The following MSI2 variants were observed in gnomAD, a reference collection of about 807,000 sequenced individuals.
MSI2 encodes musashi RNA binding protein 2, also known as RNA-binding protein Musashi homolog 2.
MSI2 carries 17 observed loss-of-function variants against 45.6 expected under a neutral mutation model. The observed-to-expected ratio is 0.37, with a 90% CI of 0.26 to 0.56. The LOEUF is 0.56. Among genes scored for constraint, MSI2 ranks in the 20% least tolerant of loss-of-function variants. MSI2 has a pLI of 0.77. For missense variants in MSI2, 293 were observed against 444.2 expected (o/e 0.66, Z 3.06); for synonymous variants, 156 against 158.2 (o/e 0.99, Z 0.11).
chr17:57,632,611 C>T (rs1909488378), intron 10 of MSI2: 1 of 1,066,134 alleles, frequency 9.4e-7, no homozygotes, highest in Non-Finnish European at 1.1e-6. Context: ...CCTGATCAGG[C>T]CCCATCTCAA....
In MSI2 at chr17:57,610,760, G is replaced by A. The variant is rs1320044361; in HGVS notation, c.538-5210G>A. ...CTAAAGGAACATGCTGCTGCCCTAG[G>A]TGTCCAGGGGCTAGGTGTCCAGGGG... On this transcript the variant is annotated intron_variant, in intron 8 of 13. Coordinates refer to ENST00000284073, the MANE Select transcript of MSI2 (RefSeq NM_138962.4). 2.1e-5 allele frequency among the ~76,000 whole-genome samples: 2 copies of A among 93,770 alleles called. 1 individual carries two copies. The highest frequency in any genetic ancestry group is 5.4e-4 in the East Asian group (2 of 3,732). The allele number at this position is 93,770 out of a possible 152,430, so 61.5% of individuals were successfully genotyped here. A position where few individuals can be genotyped will look rare whatever the true frequency, so the allele number is the denominator to read the frequency against.
At chr17:57,545,326 A>G (rs2087139760) in intron 7 of MSI2, among the ~76,000 whole-genome samples, 1 of 152,188 alleles carries the variant, frequency 6.6e-6, no homozygotes. Context: ...GTCCTTTGCT[A>G]TGAATTGGAA....
At chr17:57,317,634 C>T (rs529825297) in intron 5 of MSI2, among the ~76,000 whole-genome samples, 2 of 151,772 alleles carry the variant, frequency 1.3e-5, no homozygotes, top group African/African-American at 4.8e-5. Context: ...CCTCAGCCCC[C>T]CATGTAGCTG....
At chr17:57,368,766 TA>T (rs1273112396) in intron 5 of MSI2, among the ~76,000 whole-genome samples, 7 of 152,180 alleles carry the variant, frequency 4.6e-5, no homozygotes, top group Admixed American at 1.3e-4. Context: ...GGCAGAGCTC[TA>T]GGGGTAGATA....
intron 5 of MSI2, among the ~76,000 whole-genome samples, chr17:57,292,171 G>T (rs188083120): frequency 2.4e-3 from 360 of 152,144 alleles, no homozygotes; most frequent in African/African-American, 8.4e-3. Context: ...GGGGGAAGGG[G>T]CTAGAGAATG....
At chr17:57,395,770 G>T (rs1409131473) in intron 5 of MSI2, among the ~76,000 whole-genome samples, 3 of 152,224 alleles carry the variant, frequency 2.0e-5, no homozygotes, top group Non-Finnish European at 4.4e-5. Context: ...TTTCATCCTG[G>T]ATTCTGAATT....
intron 6 of MSI2, among the ~76,000 whole-genome samples, chr17:57,506,459 C>G (rs1047751820): frequency 1.1e-4 from 16 of 152,202 alleles, no homozygotes; most frequent in African/African-American, 3.9e-4. Flanking sequence ...CCAGATGTCT[C>G]ACAAGTGGAT....
At chr17:57,283,418 AG>A (rs1909597272) in intron 5 of MSI2, among the ~76,000 whole-genome samples, 1 of 152,030 alleles carries the variant, frequency 6.6e-6, no homozygotes, top group African/African-American at 2.4e-5. Flanking sequence ...CTCCAACTTC[AG>A]GGGGGCTTGA....
intron 11 of MSI2, among the ~76,000 whole-genome samples, chr17:57,665,811 AG>A (rs1391470828): frequency 1.3e-5 from 2 of 152,122 alleles, no homozygotes; most frequent in Non-Finnish European, 2.9e-5. Flanking sequence ...AGTTCTAGCG[AG>A]GGCCCAGGGT....
At chr17:57,547,970 G>A (rs1160364114) in intron 7 of MSI2, among the ~76,000 whole-genome samples, 2 of 152,194 alleles carry the variant, frequency 1.3e-5, no homozygotes, top group African/African-American at 4.8e-5. Flanking sequence ...AGGGTCCCCT[G>A]TGCTTTTCTG....
intron 5 of MSI2, among the ~76,000 whole-genome samples, chr17:57,281,139 T>C (rs1909382446): frequency 6.6e-6 from 1 of 152,042 alleles, no homozygotes; most frequent in South Asian, 2.1e-4. Flanking sequence ...TATTGGTGTT[T>C]GATGTTTGCT....
chr17:57,373,146 A>T (rs1225908895), intron 5 of MSI2, among the ~76,000 whole-genome samples: 3 of 151,908 alleles, frequency 2.0e-5, no homozygotes, highest in Non-Finnish European at 4.4e-5. Flanking sequence ...AGTCCCAGCC[A>T]CTTGGGAGGC....
intron 8 of MSI2, among the ~76,000 whole-genome samples, chr17:57,614,079 C>G (rs895608475): frequency 6.6e-6 from 1 of 151,958 alleles, no homozygotes. Flanking sequence ...GAGATAGAGT[C>G]TCGCTCTGTC....
intron 5 of MSI2, among the ~76,000 whole-genome samples, chr17:57,338,598 C>T (rs1194642977): frequency 1.3e-5 from 2 of 152,150 alleles, no homozygotes; most frequent in African/African-American, 2.4e-5. Flanking sequence ...CTGCATAACT[C>T]GTAGCCGGGT....
chr17:57,598,826 C>T (rs1905534331), intron 8 of MSI2, among the ~76,000 whole-genome samples: 1 of 152,172 alleles, frequency 6.6e-6, no homozygotes, highest in Non-Finnish European at 1.5e-5. Context: ...GCACACCCAG[C>T]TAATTTTTGT....
At chr17:57,283,493 G>A (rs1011058649) in intron 5 of MSI2, among the ~76,000 whole-genome samples, 3 of 152,186 alleles carry the variant, frequency 2.0e-5, no homozygotes, top group Non-Finnish European at 4.4e-5. Context: ...GTTTGAGATG[G>A]ATGCCAAACC....
chr17:57,615,912 A>T (rs1275462626), intron 8 of MSI2, 58 bp from the exon 9 acceptor site: 14 of 1,342,706 alleles, frequency 1.0e-5, no homozygotes, highest in Non-Finnish European at 1.3e-5. Context: ...CAGGTTCTGC[A>T]TTTGACATTT....
chr17:57,486,031 G>T (rs1284596369), intron 6 of MSI2, among the ~76,000 whole-genome samples: 3 of 152,216 alleles, frequency 2.0e-5, no homozygotes, highest in African/African-American at 7.2e-5. Context: ...TCGCCAACCA[G>T]GCTCATTCCC....
intron 6 of MSI2, among the ~76,000 whole-genome samples, chr17:57,447,378 A>ACAGG (rs2084919342): frequency 6.6e-6 from 1 of 152,196 alleles, no homozygotes; most frequent in Non-Finnish European, 1.5e-5. Context: ...AACTGGGTTT[A>ACAGG]CAGGCGCAAG....
Sources: gnomAD v4.1 joint callset for allele counts (sites outside exome capture counted in the v4.1 genomes callset) on GRCh38, gnomAD v4.1.1 for gene constraint, MANE v1.5 for transcripts, NCBI Gene and HGNC (gene_info 2026-07-23, HGNC 2026-07-21) for gene names.